The following IKZF2 variants were observed in gnomAD, a reference collection of about 807,000 sequenced individuals.
The protein encoded by IKZF2 is zinc finger protein Helios.
Under a neutral mutation model 49.2 loss-of-function variants are expected in IKZF2, and 15 were observed. That is an observed-to-expected ratio of 0.30 (90% confidence interval 0.20 to 0.47). The LOEUF is 0.47. Ranked by LOEUF, IKZF2 falls within the 20% of genes least tolerant of loss-of-function variation. The pLI is 1.00. For synonymous variants in IKZF2, 227 were observed against 221.4 expected, an observed-to-expected ratio of 1.03 and a Z score of -0.23; for missense variants, 567 against 664.6, an observed-to-expected ratio of 0.85 and a Z score of 1.61.
intron 4 of IKZF2, among the ~76,000 whole-genome samples, chr2:213,082,943 G>T: frequency 6.6e-6 from 1 of 151,936 alleles, no homozygotes; most frequent in South Asian, 2.1e-4. Flanking sequence ...TGGTTTGCAG[G>T]GTTTTTAACA....
intron 4 of IKZF2, among the ~76,000 whole-genome samples, chr2:213,106,659 A>G (rs2059541578): frequency 6.6e-6 from 1 of 151,792 alleles, no homozygotes; most frequent in East Asian, 1.9e-4. Flanking sequence ...AAAAAAAAGA[A>G]AAAAGAAAAG....
At chr2:213,091,899 T>C (rs1057347932) in intron 4 of IKZF2, among the ~76,000 whole-genome samples, 13 of 151,870 alleles carry the variant, frequency 8.6e-5, no homozygotes, top group African/African-American at 1.9e-4. Flanking sequence ...TGTGTGTGTG[T>C]GCGTGTGTGT....
chr2:213,130,338 A>G (rs1313125015), intron 4 of IKZF2, among the ~76,000 whole-genome samples: 2 of 151,966 alleles, frequency 1.3e-5, no homozygotes, highest in Non-Finnish European at 2.9e-5. Flanking sequence ...AGAGCAATAA[A>G]TGCTTTGTTA....
At chr2:213,061,621 A>C (rs1307107532) in intron 4 of IKZF2, among the ~76,000 whole-genome samples, 1 of 151,582 alleles carries the variant, frequency 6.6e-6, no homozygotes, top group African/African-American at 2.4e-5. Flanking sequence ...CTTAGCCAAT[A>C]AAGAACAAAG....
intron 4 of IKZF2, among the ~76,000 whole-genome samples, chr2:213,081,799 A>C (rs1447236013): frequency 6.6e-6 from 1 of 152,146 alleles, no homozygotes; most frequent in Non-Finnish European, 1.5e-5. Context: ...CCGAGGTACC[A>C]AGGTCAGACC....
At chr2:213,062,592 A>G (rs1214911360) in intron 4 of IKZF2, among the ~76,000 whole-genome samples, 1 of 151,856 alleles carries the variant, frequency 6.6e-6, no homozygotes, top group Non-Finnish European at 1.5e-5. Flanking sequence ...ACCAAATGAA[A>G]AAAAGTGTAT....
intron 4 of IKZF2, among the ~76,000 whole-genome samples, chr2:213,074,728 C>G (rs1275627986): frequency 6.6e-6 from 1 of 152,102 alleles, no homozygotes; most frequent in Non-Finnish European, 1.5e-5. Context: ...GTACTTTGGT[C>G]TTTGCCAAGT....
chr2:213,040,769 T>G (rs565007307), intron 6 of IKZF2, among the ~76,000 whole-genome samples: 4 of 152,272 alleles, frequency 2.6e-5, no homozygotes, highest in Non-Finnish European at 5.9e-5. Context: ...CTGAAAAATC[T>G]GAGACAAAAC....
intron 4 of IKZF2, among the ~76,000 whole-genome samples, chr2:213,121,244 A>C (rs533764316): frequency 6.6e-6 from 1 of 152,312 alleles, no homozygotes; most frequent in Admixed American, 6.5e-5. Context: ...CTATTATATA[A>C]TATTTCTACT....
intron 4 of IKZF2, among the ~76,000 whole-genome samples, chr2:213,145,466 C>T (rs1457218643): frequency 6.6e-6 from 1 of 151,984 alleles, no homozygotes; most frequent in East Asian, 1.9e-4. Context: ...AACCGGTGAT[C>T]TCAGACACAA....
At chr2:213,060,190 A>T (rs1701547140) in intron 4 of IKZF2, among the ~76,000 whole-genome samples, 1 of 151,210 alleles carries the variant, frequency 6.6e-6, no homozygotes, top group African/African-American at 2.4e-5. Context: ...AGTTTTCTCC[A>T]CTCATAGAAA....
At chr2:213,091,381 T>C (rs1286187160) in intron 4 of IKZF2, among the ~76,000 whole-genome samples, 1 of 152,166 alleles carries the variant, frequency 6.6e-6, no homozygotes, top group East Asian at 1.9e-4. Flanking sequence ...GGAAATAATA[T>C]GAGAGGTACA....
At chr2:213,099,830 C>A (rs1706448906) in intron 4 of IKZF2, among the ~76,000 whole-genome samples, 1 of 152,022 alleles carries the variant, frequency 6.6e-6, no homozygotes, top group Non-Finnish European at 1.5e-5. Flanking sequence ...TCCCGTTGTG[C>A]TTTTAGAGGA....
At chr2:213,060,392 C>T (rs1701569877) in intron 4 of IKZF2, among the ~76,000 whole-genome samples, 1 of 151,316 alleles carries the variant, frequency 6.6e-6, no homozygotes, top group African/African-American at 2.4e-5. Flanking sequence ...TGAATTACAA[C>T]TATTAACCAC....
intron 4 of IKZF2, among the ~76,000 whole-genome samples, chr2:213,125,468 T>C (rs964256571): frequency 3.9e-5 from 6 of 152,146 alleles, no homozygotes; most frequent in Admixed American, 2.0e-4. Context: ...TCTTCCCCCA[T>C]TCAGATGAAC....
intron 4 of IKZF2, among the ~76,000 whole-genome samples, chr2:213,121,672 C>T (rs2060061975): frequency 6.6e-6 from 1 of 152,040 alleles, no homozygotes; most frequent in South Asian, 2.1e-4. Flanking sequence ...CTTTGAGGTA[C>T]AATAAAGAAA....
chr2:213,038,013 TA>T (rs3069569), intron 6 of IKZF2, among the ~76,000 whole-genome samples: 1,594 of 147,864 alleles, frequency 0.011, 20 homozygotes, highest in African/African-American at 0.03. Context: ...TTTCTATCCT[TA>T]AAAAAAAAAA....
At position 213,001,323 on chromosome 2, in the gene IKZF2, AT is replaced by A. The variant is rs1694884302; in HGVS notation, c.*6036del. 1 of 151,962 alleles carries A rather than the reference AT, an allele frequency of 6.6e-6. No individual in the cohort carries two copies. Among genetic ancestry groups the A allele is most frequent in the Non-Finnish European group, 1.5e-5 (1 of 67,594 alleles). The allele number at this position is 151,962 out of a possible 1,614,324, so 9.4% of individuals were successfully genotyped here. On this transcript the variant is annotated 3_prime_UTR_variant, in exon 9 of 9. Coordinates refer to ENST00000434687, the MANE Select transcript of IKZF2 (RefSeq NM_001387220.1). ...AGAAAGTTAAGACTCTTTGCTTTAC[AT>A]TTTTAACACCTTTCTAAACACTTGC... is the stretch of plus-strand genomic sequence containing the variant.
At chr2:213,053,027 G>A (rs1251347424) in intron 5 of IKZF2, among the ~76,000 whole-genome samples, 1 of 151,974 alleles carries the variant, frequency 6.6e-6, no homozygotes, top group Non-Finnish European at 1.5e-5. Context: ...CCCTTTTTGA[G>A]TCAGTTTAGA....
Sources: allele counts gnomAD v4.1 joint callset (sites outside exome capture counted in the v4.1 genomes callset), GRCh38; gene constraint gnomAD v4.1.1; transcripts MANE v1.5; gene names NCBI Gene and HGNC (gene_info 2026-07-23, HGNC 2026-07-21).